APC: variants seen among roughly 807,000 people sequenced by gnomAD.
APC encodes adenomatous polyposis coli protein.
APC carries 72 observed loss-of-function variants against 247.0 expected under a neutral mutation model. That is an observed-to-expected ratio of 0.29 (90% CI 0.24 to 0.35). The LOEUF (loss-of-function observed/expected upper bound fraction) is 0.35. APC is among the 10% of genes least tolerant of loss of function. APC has a pLI of 1.00. For missense variants in APC, 3,400 were observed against 3,360.7 expected, an observed-to-expected ratio of 1.01 and a Z score of -0.29; for synonymous variants, 1,254 against 1,162.5, an observed-to-expected ratio of 1.08 and a Z score of -1.60.
chr5:112,762,503 T>C (rs1271041879), intron 2 of APC, among the ~76,000 whole-genome samples: 1 of 152,158 alleles, frequency 6.6e-6, no homozygotes, highest in Non-Finnish European at 1.5e-5. Flanking sequence ...TGCTACATAC[T>C]ATACAACATT....
intron 6 of APC, among the ~76,000 whole-genome samples, chr5:112,790,473 G>T (rs994253371): frequency 3.3e-5 from 5 of 151,702 alleles, no homozygotes; most frequent in Non-Finnish European, 7.4e-5. Context: ...TTACAGGCAC[G>T]CGTCACCCAT....
At chr5:112,758,878 C>T (rs2149754533) in intron 2 of APC, among the ~76,000 whole-genome samples, 1 of 152,316 alleles carries the variant, frequency 6.6e-6, no homozygotes, top group East Asian at 1.9e-4. Context: ...ACTGGAATTA[C>T]AGGCATGAGT....
Position 112,840,681 on chromosome 5 carries a change from G to A in APC, c.5087G>A (p.Ser1696Asn), listed in dbSNP as rs1165790416. ...GATACCATTCCTACAGAAGGCAGAA[G>A]TACAGATGAGGCTCAAGGAGGAAAA... Reference protein sequence around the residue: ...KRDTIPTEGRSTDEAQGGKTS... With the variant: ...KRDTIPTEGRNTDEAQGGKTS... The change falls in exon 16 of 16, where the codon AGT (serine) becomes AAT (asparagine). Residue 1696 changes from serine to asparagine, a missense_variant. Ser to Asn is a conservative substitution (Grantham distance 46). Coordinates refer to ENST00000257430, the MANE Select transcript of APC (RefSeq NM_000038.6). The surrounding 1 kb of genome is among the most constrained non-coding windows in gnomAD (Gnocchi z 4.1). 6.2e-7 allele frequency: 1 copy of A among 1,613,922 alleles called. No homozygotes were observed. Among genetic ancestry groups the A allele is most frequent in the Non-Finnish European group, 8.5e-7 (1 of 1,179,956 alleles).
chr5:112,835,675 C>T (rs1437153845), intron 15 of APC, among the ~76,000 whole-genome samples: 1 of 151,074 alleles, frequency 6.6e-6, no homozygotes, highest in African/African-American at 2.4e-5. Context: ...TGGGTTCAAG[C>T]GATTCTCCCA....
At chr5:112,786,748 T>C (rs1169640701) in intron 6 of APC, among the ~76,000 whole-genome samples, 1 of 152,228 alleles carries the variant, frequency 6.6e-6, no homozygotes, top group Non-Finnish European at 1.5e-5. Flanking sequence ...CTTATTCATG[T>C]CTTGTAAACA....
chr5:112,775,867 A>C (rs1399932426), intron 5 of APC, 130 bp downstream of exon 5: 1 of 566,820 alleles, frequency 1.8e-6, no homozygotes, highest in Non-Finnish European at 3.1e-6. Context: ...GTTTTACCCA[A>C]CTTTAGGCCT....
At chr5:112,836,343 G>C (rs1267985171) in intron 15 of APC, among the ~76,000 whole-genome samples, 1 of 151,994 alleles carries the variant, frequency 6.6e-6, no homozygotes, top group African/African-American at 2.4e-5. Context: ...AAATATGGTT[G>C]TTTTTTATAG....
intron 15 of APC, 118 bp from the exon 16 acceptor site, chr5:112,837,435 T>G: frequency 1.4e-6 from 1 of 722,536 alleles, no homozygotes; most frequent in East Asian, 2.7e-5. Context: ...GTGGAATACT[T>G]GGAATTTATA....
intron 1 of APC, among the ~76,000 whole-genome samples, chr5:112,740,230 A>G (rs1752832197): frequency 1.3e-5 from 2 of 152,234 alleles, no homozygotes; most frequent in South Asian, 4.1e-4. Context: ...TGACATTCAT[A>G]AACGACTTTT....
chr5:112,774,274 A>C (rs1488504013), intron 4 of APC, among the ~76,000 whole-genome samples: 1 of 152,128 alleles, frequency 6.6e-6, no homozygotes, highest in East Asian at 1.9e-4. Context: ...GGAAATAGAA[A>C]ATTCTCCAAA....
At chr5:112,783,783 AAG>A (rs1554073061) in intron 6 of APC, 8 of 386,814 alleles carry the variant, frequency 2.1e-5, no homozygotes, top group East Asian at 7.6e-5. Context: ...AAAAAAAAAA[AAG>A]AGAAAGAAAG....
chr5:112,826,042 A>C (rs1008959630), intron 11 of APC, among the ~76,000 whole-genome samples: 1 of 152,182 alleles, frequency 6.6e-6, no homozygotes, highest in Non-Finnish European at 1.5e-5. Context: ...GTTTTGCATA[A>C]ATCTTCCTAC....
In APC at chr5:112,838,374, C is replaced by G. The variant is rs587781500; in HGVS notation, c.2780C>G (p.Ala927Gly). 1.4e-5 allele frequency: 22 copies of G among 1,614,172 alleles called. No homozygotes were observed. Among genetic ancestry groups the G allele is most frequent in the South Asian group, 4.4e-5 (4 of 91,088 alleles). Residue 927 changes from alanine to glycine, a missense_variant, in exon 16 of 16, where the codon GCT (alanine) becomes GGT (glycine). Around this residue, in one of 9 missense-constraint regions of APC, gnomAD observed 715 missense variants for 656.6 expected, o/e 1.09. Coordinates refer to ENST00000257430, the MANE Select transcript of APC (RefSeq NM_000038.6). ...DERNALRRSS[A>G]AHTHSNTYNF... The stretch of plus-strand genomic sequence containing the variant: ...AGAAATGCACTTAGAAGAAGCTCTG[C>G]TGCCCATACACATTCAAACACTTAC...
intron 9 of APC, among the ~76,000 whole-genome samples, chr5:112,815,997 C>T (rs866888058): frequency 6.6e-6 from 1 of 152,262 alleles, no homozygotes. Context: ...TAAAAAGTGC[C>T]AGATTAGCTA....
At chr5:112,776,657 G>A (rs1757682066) in intron 5 of APC, among the ~76,000 whole-genome samples, 1 of 152,062 alleles carries the variant, frequency 6.6e-6, no homozygotes, top group South Asian at 2.1e-4. Context: ...GGTCAACATG[G>A]TGAAACTCTG....
intron 1 of APC, among the ~76,000 whole-genome samples, chr5:112,753,166 A>G (rs1040464767): frequency 6.6e-6 from 1 of 152,146 alleles, no homozygotes; most frequent in African/African-American, 2.4e-5. Flanking sequence ...CCTCTGTCAT[A>G]TGGTTTATAA....
intron 2 of APC, among the ~76,000 whole-genome samples, chr5:112,761,873 A>G (rs1755712490): frequency 6.6e-6 from 1 of 152,322 alleles, no homozygotes; most frequent in East Asian, 1.9e-4. Context: ...TAAACATAAA[A>G]ATGTATAAGA....
At position 112,792,473 on chromosome 5, in the gene APC, G is replaced by T; in HGVS notation, c.673G>T (p.Glu225Ter). Residue 225 changes from glutamate (E) to a stop codon, truncating the protein, a stop_gained, in exon 7 of 16, where the codon GAA becomes TAA. Coordinates refer to ENST00000257430, the MANE Select transcript of APC (RefSeq NM_000038.6). LOFTEE classifies it high-confidence loss of function. ...AAGAATAGCCAGAATTCAGCAAATC[G>T]AAAAGGACATACTTCGTATACGACA... The part of the protein sequence containing the change: ...QRRIARIQQI[E>*]KDILRIRQLL... 6.2e-7 allele frequency: 1 copy of T among 1,610,796 alleles called. No homozygotes were observed. The highest frequency in any genetic ancestry group is 8.5e-7 in the Non-Finnish European group (1 of 1,178,242).
intron 14 of APC, among the ~76,000 whole-genome samples, chr5:112,833,037 T>TTTTGCTTTTGC (rs201783197): frequency 6.6e-6 from 1 of 151,698 alleles, no homozygotes; most frequent in Non-Finnish European, 1.5e-5. Context: ...GGGTTTTTTT[T>TTTTGCTTTTGC]TTTTGCTTTT....
Sources: allele counts gnomAD v4.1 joint callset (sites outside exome capture counted in the v4.1 genomes callset), GRCh38; gene constraint gnomAD v4.1.1; regional missense constraint gnomAD v4.1.1; non-coding constraint Gnocchi (gnomAD v3.1); transcripts MANE v1.5; gene names NCBI Gene and HGNC (gene_info 2026-07-23, HGNC 2026-07-21).